The following CATSPER3 variants were observed in gnomAD, a reference collection of about 807,000 sequenced individuals.
CATSPER3 encodes cation channel sperm-associated protein 3.
In CATSPER3, 23 loss-of-function variants were observed where a neutral mutation model predicts 36.6. The observed-to-expected ratio is 0.63, with a 90% CI of 0.45 to 0.89. The LOEUF is 0.89. CATSPER3 is among the 40% of genes least tolerant of loss of function. CATSPER3 has a pLI of 0.00. For synonymous variants in CATSPER3, 172 were observed against 184.1 expected (o/e 0.93, Z 0.53); for missense variants, 474 against 503.9 (o/e 0.94, Z 0.57).
intron 3 of CATSPER3, among the ~76,000 whole-genome samples, chr5:135,001,116 T>A (rs939777406): frequency 3.9e-5 from 6 of 152,258 alleles, no homozygotes; most frequent in African/African-American, 1.4e-4. Flanking sequence ...GAGATTCTGG[T>A]ATGCTGTGTC....
chr5:134,996,770 A>G (rs1388680957), intron 3 of CATSPER3, among the ~76,000 whole-genome samples: 2 of 152,242 alleles, frequency 1.3e-5, no homozygotes, highest in African/African-American at 4.8e-5. Flanking sequence ...GAGATTTGAA[A>G]GGCGTGCCTG....
intron 2 of CATSPER3, among the ~76,000 whole-genome samples, chr5:134,972,305 A>C (rs1751617695): frequency 6.6e-6 from 1 of 152,208 alleles, no homozygotes; most frequent in Non-Finnish European, 1.5e-5. Context: ...TTCTGTTCCC[A>C]AGCATTTCAG....
intron 3 of CATSPER3, among the ~76,000 whole-genome samples, chr5:135,006,848 A>AAAAT (rs1302292627): frequency 1.4e-5 from 2 of 142,172 alleles, no homozygotes; most frequent in African/African-American, 5.3e-5. Context: ...AAAAAAAAAA[A>AAAAT]AATAATAATA....
At chr5:134,979,747 G>C (rs572470801) in intron 2 of CATSPER3, among the ~76,000 whole-genome samples, 1 of 152,288 alleles carries the variant, frequency 6.6e-6, no homozygotes, top group East Asian at 1.9e-4. Flanking sequence ...GCCCAAGGCA[G>C]GACGAATGTT....
chr5:134,985,210 T>C (rs1445040542), intron 2 of CATSPER3, among the ~76,000 whole-genome samples: 1 of 152,078 alleles, frequency 6.6e-6, no homozygotes, highest in African/African-American at 2.4e-5. Flanking sequence ...ATAAAGAAAA[T>C]GTGATATATA....
chr5:134,971,283 TGGTG>T (rs1751603418), intron 2 of CATSPER3, among the ~76,000 whole-genome samples: 1 of 150,810 alleles, frequency 6.6e-6, no homozygotes, highest in Admixed American at 6.6e-5. Flanking sequence ...AAGTTGGGCA[TGGTG>T]GTGCATACCT....
rs116020676 is a variant in CATSPER3 at position 134,995,358 on chromosome 5, A to G, written c.253-915A>G. ...TGAGATCCACTTTTTTAGCTCCCAC[A>G]TATGAGTGAGAACATGTGATATTTG... On this transcript the variant is annotated intron_variant, in intron 2 of 7. Coordinates refer to ENST00000282611, the MANE Select transcript of CATSPER3 (RefSeq NM_178019.3). 9.5e-3 allele frequency among the ~76,000 whole-genome samples: 1,438 copies of G among 152,076 alleles called. 34 individuals are homozygous for G. Among genetic ancestry groups the G allele is most frequent in the Admixed American group, 0.052 (791 of 15,280 alleles).
At chr5:134,980,999 A>G (rs1554068304) in intron 2 of CATSPER3, among the ~76,000 whole-genome samples, 1 of 152,176 alleles carries the variant, frequency 6.6e-6, no homozygotes, top group Admixed American at 6.5e-5. Flanking sequence ...GGATTCAGGC[A>G]TGAGTTACAA....
At chr5:135,001,538 G>A (rs546337121) in intron 3 of CATSPER3, among the ~76,000 whole-genome samples, 4 of 152,222 alleles carry the variant, frequency 2.6e-5, no homozygotes, top group African/African-American at 9.6e-5. Context: ...ATTGACAGTG[G>A]GGTGTTAAAT....
intron 2 of CATSPER3, among the ~76,000 whole-genome samples, chr5:134,989,554 A>G (rs1751854431): frequency 6.6e-6 from 1 of 152,210 alleles, no homozygotes; most frequent in Non-Finnish European, 1.5e-5. Context: ...AAACCTCAAG[A>G]ACCAACCTCT....
intron 7 of CATSPER3, 69 bp from the exon 8 acceptor site, chr5:135,011,452 A>G (rs1198567993): frequency 9.0e-7 from 1 of 1,108,744 alleles, no homozygotes; most frequent in Non-Finnish European, 1.4e-6. Context: ...ACGTGTGGTC[A>G]GTGGGGCCAG....
chr5:134,996,075 C>A (rs1167153410), intron 2 of CATSPER3, among the ~76,000 whole-genome samples, 198 bp from the exon 3 acceptor site: 27 of 152,196 alleles, frequency 1.8e-4, no homozygotes, highest in Admixed American at 1.8e-3. Flanking sequence ...AGGTGTAGGG[C>A]CACGGGGTAG....
At chr5:134,978,158 AG>A (rs1322479810) in intron 2 of CATSPER3, among the ~76,000 whole-genome samples, 2 of 152,170 alleles carry the variant, frequency 1.3e-5, no homozygotes, top group African/African-American at 4.8e-5. Context: ...TGGGAAGAGC[AG>A]GGGGGAAGGA....
chr5:135,001,951 A>G (rs979857739), intron 3 of CATSPER3, among the ~76,000 whole-genome samples: 5 of 152,316 alleles, frequency 3.3e-5, no homozygotes, highest in African/African-American at 4.8e-5. Context: ...TGGAGCATTG[A>G]GCCCATTTAC....
intron 2 of CATSPER3, among the ~76,000 whole-genome samples, chr5:134,974,548 A>C (rs1438101471): frequency 6.6e-6 from 1 of 152,182 alleles, no homozygotes; most frequent in African/African-American, 2.4e-5. Context: ...ATTGGCCTTG[A>C]AATAATTTAT....
At chr5:134,980,981 A>C (rs1751743059) in intron 2 of CATSPER3, among the ~76,000 whole-genome samples, 2 of 151,874 alleles carry the variant, frequency 1.3e-5, no homozygotes, top group Admixed American at 1.3e-4. Flanking sequence ...TGGCCTCCCA[A>C]AGCACTGGGA....
chr5:135,007,013 C>A (rs1752097737), intron 3 of CATSPER3, among the ~76,000 whole-genome samples: 1 of 152,140 alleles, frequency 6.6e-6, no homozygotes, highest in African/African-American at 2.4e-5. Context: ...CTTGGACTGC[C>A]TCTGTTTCCC....
chr5:135,006,869 T>A (rs1257523029), intron 3 of CATSPER3, among the ~76,000 whole-genome samples: 2 of 149,216 alleles, frequency 1.3e-5, no homozygotes, highest in Admixed American at 6.7e-5. Flanking sequence ...ATAATAATAA[T>A]AAAATCTCAG....
At chr5:134,987,208 A>G (rs1226499696) in intron 2 of CATSPER3, among the ~76,000 whole-genome samples, 2 of 152,240 alleles carry the variant, frequency 1.3e-5, no homozygotes, top group African/African-American at 4.8e-5. Flanking sequence ...AAAAAGGGTT[A>G]TAGGAGAATA....
Sources: gnomAD v4.1 joint callset for allele counts (sites outside exome capture counted in the v4.1 genomes callset) on GRCh38, gnomAD v4.1.1 for gene constraint, MANE v1.5 for transcripts, NCBI Gene and HGNC (gene_info 2026-07-23, HGNC 2026-07-21) for gene names.